The following EHMT1 variants were observed in gnomAD, a reference collection of about 807,000 sequenced individuals.
EHMT1 encodes histone-lysine N-methyltransferase EHMT1.
In EHMT1, 15 loss-of-function variants were observed where a neutral mutation model predicts 147.2. That is an observed-to-expected ratio of 0.10 (90% CI 0.07 to 0.16). The LOEUF is 0.16. EHMT1 is among the 10% of genes least tolerant of loss of function. The probability of loss-of-function intolerance (pLI) is 1.00; values close to 1 mark genes in which losing one functional copy is unlikely to be tolerated. For synonymous variants in EHMT1, 795 were observed against 709.6 expected (o/e 1.12, Z -1.91); for missense variants, 1,587 against 1,772.4 (o/e 0.90, Z 1.88).
intron 9 of EHMT1, among the ~76,000 whole-genome samples, chr9:137,760,190 G>C (rs61317106): frequency 6.6e-6 from 1 of 152,274 alleles, no homozygotes; most frequent in African/African-American, 2.4e-5. Context: ...GCTTCAGTCA[G>C]TTCGTTTGAT....
intron 6 of EHMT1, 65 bp from the exon 7 acceptor site, chr9:137,752,266 A>G: frequency 6.4e-7 from 1 of 1,565,566 alleles, no homozygotes. Context: ...GTCATCTGCC[A>G]CTAAAGGATG....
chr9:137,794,918 C>T (rs182766056), intron 16 of EHMT1, among the ~76,000 whole-genome samples: 24 of 152,186 alleles, frequency 1.6e-4, no homozygotes, highest in Non-Finnish European at 2.8e-4. Context: ...GAAAACTTAG[C>T]GCGTTGGGAA....
chr9:137,758,497 T>C (rs932448261), intron 9 of EHMT1, among the ~76,000 whole-genome samples: 2 of 152,246 alleles, frequency 1.3e-5, no homozygotes, highest in Admixed American at 1.3e-4. Flanking sequence ...GCAGCTTCTG[T>C]TGGGAGTTGT....
At chr9:137,703,051 T>C (rs1943968965) in intron 1 of EHMT1, among the ~76,000 whole-genome samples, 1 of 152,234 alleles carries the variant, frequency 6.6e-6, no homozygotes, top group African/African-American at 2.4e-5. Flanking sequence ...AGCTGCCAGC[T>C]TGCACCCTTT....
chr9:137,761,294 A>G (rs1949792450), intron 9 of EHMT1, among the ~76,000 whole-genome samples: 1 of 152,230 alleles, frequency 6.6e-6, no homozygotes, highest in Non-Finnish European at 1.5e-5. Flanking sequence ...TTTCTTTACT[A>G]TAGGCATTTG....
At chr9:137,627,849 A>G (rs1465989443) in intron 1 of EHMT1, among the ~76,000 whole-genome samples, 1 of 151,490 alleles carries the variant, frequency 6.6e-6, no homozygotes, top group Non-Finnish European at 1.5e-5. Context: ...AGCTGGGATT[A>G]TAGTTGTGCA....
chr9:137,669,993 G>T (rs1589189347), intron 1 of EHMT1, among the ~76,000 whole-genome samples: 1 of 152,098 alleles, frequency 6.6e-6, no homozygotes, highest in South Asian at 2.1e-4. Flanking sequence ...CCTCAGCTGG[G>T]TTTACAGGTG....
intron 25 of EHMT1, among the ~76,000 whole-genome samples, chr9:137,823,715 G>A (rs531957013): frequency 8.6e-5 from 13 of 151,556 alleles, no homozygotes; most frequent in Non-Finnish European, 1.6e-4. Flanking sequence ...CCGGCCCAAC[G>A]CCTGGCTAAT....
chr9:137,709,845 G>A (rs1266549394), intron 1 of EHMT1, among the ~76,000 whole-genome samples: 1 of 152,014 alleles, frequency 6.6e-6, no homozygotes, highest in Non-Finnish European at 1.5e-5. Context: ...ACTCTGACCC[G>A]GAGGCTTCCT....
chr9:137,830,915 CTG>C (rs1956145671), intron 25 of EHMT1, among the ~76,000 whole-genome samples: 1 of 152,206 alleles, frequency 6.6e-6, no homozygotes. Flanking sequence ...TAGCAAAACA[CTG>C]TAAACCGTGA....
intron 1 of EHMT1, among the ~76,000 whole-genome samples, chr9:137,646,949 G>C (rs987959932): frequency 6.6e-6 from 1 of 152,026 alleles, no homozygotes; most frequent in Non-Finnish European, 1.5e-5. Context: ...TGCCCTTTTG[G>C]TTATGGTCAC....
chr9:137,687,520 G>A (rs946655160), intron 1 of EHMT1, among the ~76,000 whole-genome samples: 1 of 152,136 alleles, frequency 6.6e-6, no homozygotes, highest in Non-Finnish European at 1.5e-5. Context: ...AGTTTAGGTA[G>A]TGCTGTTGCC....
intron 1 of EHMT1, among the ~76,000 whole-genome samples, chr9:137,619,271 G>C (rs1842799992): frequency 6.9e-6 from 1 of 145,590 alleles, no homozygotes; most frequent in African/African-American, 2.5e-5. Context: ...CTTTGTGCGC[G>C]GCGCGGGCCG....
intron 8 of EHMT1, among the ~76,000 whole-genome samples, chr9:137,757,257 CA>C (rs1288116128): frequency 6.6e-6 from 1 of 152,268 alleles, no homozygotes; most frequent in African/African-American, 2.4e-5. Context: ...CGCTGCCAGC[CA>C]GGGGACACCG....
chr9:137,633,915 G>A (rs1329459024), intron 1 of EHMT1, among the ~76,000 whole-genome samples: 1 of 151,314 alleles, frequency 6.6e-6, no homozygotes, highest in Non-Finnish European at 1.5e-5. Flanking sequence ...CCGGGTTCAA[G>A]CGATTCCCCT....
chr9:137,790,870 G>C lies in EHMT1; in HGVS notation c.2405G>C (p.Cys802Ser), dbSNP rs763767150. Reference protein sequence around the residue: ...LVQAGANIDTCSEDQRTPLME... With the variant: ...LVQAGANIDTSSEDQRTPLME... ...TAGGCGGGCGCTAATATTGACACCT[G>C]CTCAGAAGACCAGAGGACCCCGTTG... The change falls in exon 16 of 27, where the codon TGC (cysteine) becomes TCC (serine). Residue 802 changes from cysteine to serine, a missense_variant. By Grantham distance (112) the Cys-to-Ser change is moderately radical. Coordinates refer to ENST00000460843, the MANE Select transcript of EHMT1 (RefSeq NM_024757.5). The C allele has an allele frequency of 3.8e-5, 62 of 1,613,984 alleles. No homozygotes were observed. Among genetic ancestry groups the C allele is most frequent in the Non-Finnish European group, 5.3e-5 (62 of 1,180,030 alleles).
chr9:137,817,746 C>T (rs933636985), intron 24 of EHMT1: 31 of 650,720 alleles, frequency 4.8e-5, no homozygotes, highest in South Asian at 1.7e-4. Context: ...TTTAAGAAGG[C>T]GTGGTCCAGT....
intron 18 of EHMT1, among the ~76,000 whole-genome samples, chr9:137,810,890 G>A (rs975897357): frequency 2.0e-5 from 3 of 152,044 alleles, no homozygotes; most frequent in African/African-American, 2.4e-5. Context: ...TAGTAGAAAC[G>A]GGGTTTCACC....
At chr9:137,809,679 A>G (rs935604122) in intron 18 of EHMT1, among the ~76,000 whole-genome samples, 5 of 152,260 alleles carry the variant, frequency 3.3e-5, no homozygotes, top group Admixed American at 2.0e-4. Context: ...CTTTTAATCC[A>G]GCAATCCTGC....
Sources: gnomAD v4.1 joint callset for allele counts (sites outside exome capture counted in the v4.1 genomes callset) on GRCh38, gnomAD v4.1.1 for gene constraint, MANE v1.5 for transcripts, NCBI Gene and HGNC (gene_info 2026-07-23, HGNC 2026-07-21) for gene names.